Variants in NELL2 observed in about 807,000 individuals in gnomAD.
NELL2 encodes neural EGFL like 2.
In NELL2, 41 loss-of-function variants were observed where a neutral mutation model predicts 109.6. The ratio of observed to expected loss-of-function variants is 0.37; its 90% CI spans 0.29 to 0.49. The LOEUF (loss-of-function observed/expected upper bound fraction) is 0.49. Ranked by LOEUF, NELL2 falls within the 20% of genes least tolerant of loss-of-function variation. The pLI is 0.98. For synonymous variants in NELL2, 355 were observed against 344.7 expected (o/e 1.03, Z -0.33); for missense variants, 900 against 1,008.3 (o/e 0.89, Z 1.45).
At chr12:44,841,287 C>T (rs755902846) in intron 2 of NELL2, among the ~76,000 whole-genome samples, 7 of 152,180 alleles carry the variant, frequency 4.6e-5, no homozygotes, top group Admixed American at 1.3e-4. Flanking sequence ...TTCTAAATCA[C>T]ATAATCAACT....
intron 15 of NELL2, among the ~76,000 whole-genome samples, chr12:44,578,513 A>G (rs1277131050): frequency 2.0e-5 from 3 of 152,148 alleles, no homozygotes; most frequent in South Asian, 4.1e-4. Context: ...GTACCACAAT[A>G]AAATTGTATG....
rs1234634258 is a variant in NELL2 at position 44,550,283 on chromosome 12, A to C, written c.1664-17562T>G. 2.6e-5 allele frequency among the ~76,000 whole-genome samples: 4 copies of C among 152,168 alleles called. No individual in the cohort carries two copies. In the South Asian group the frequency reaches 6.2e-4, roughly 24 times the overall value. ...CAACTCAAAATAAAAAATTAAAAAT[A>C]CAATGACTACATATATATCCAAATA... On this transcript the variant is annotated intron_variant, in intron 15 of 19. Transcript: ENST00000429094.
intron 15 of NELL2, among the ~76,000 whole-genome samples, chr12:44,604,070 CT>C (rs759380541): frequency 6.6e-5 from 10 of 152,202 alleles, no homozygotes; most frequent in Non-Finnish European, 1.3e-4. Context: ...ACAGTCTTCA[CT>C]GTTAAAGACA....
chr12:44,527,025 C>A (rs1462570378), intron 16 of NELL2, among the ~76,000 whole-genome samples: 1 of 152,180 alleles, frequency 6.6e-6, no homozygotes, highest in African/African-American at 2.4e-5. Flanking sequence ...GCAATAATCT[C>A]ATCATACTTA....
chr12:44,569,760 A>AT (rs35016680), intron 15 of NELL2, among the ~76,000 whole-genome samples: 4 of 152,038 alleles, frequency 2.6e-5, no homozygotes, highest in South Asian at 4.2e-4. Flanking sequence ...TGATCTATGA[A>AT]TTTTTTTTAT....
chr12:44,890,211 G>C (rs1945518139), intron 1 of NELL2, among the ~76,000 whole-genome samples: 1 of 152,198 alleles, frequency 6.6e-6, no homozygotes, highest in Non-Finnish European at 1.5e-5. Flanking sequence ...TAAAGAAAGA[G>C]CTGCTGAGTG....
intron 1 of NELL2, among the ~76,000 whole-genome samples, chr12:44,898,250 G>A (rs960461193): frequency 9.9e-5 from 15 of 152,122 alleles, no homozygotes; most frequent in African/African-American, 2.2e-4. Flanking sequence ...CACAGCACTC[G>A]AGCTCTAGGG....
At chr12:44,898,294 A>G (rs376963149) in intron 1 of NELL2, among the ~76,000 whole-genome samples, 1 of 152,272 alleles carries the variant, frequency 6.6e-6, no homozygotes, top group South Asian at 2.1e-4. Context: ...CCCTGACCCC[A>G]ATGCCTCCTG....
chr12:44,564,164 T>C (rs1943572686), intron 15 of NELL2, among the ~76,000 whole-genome samples: 1 of 152,208 alleles, frequency 6.6e-6, no homozygotes, highest in Admixed American at 6.5e-5. Context: ...CTAAACATTT[T>C]ACCTATAGTT....
chr12:44,541,071 C>G (rs534976617), intron 15 of NELL2, among the ~76,000 whole-genome samples: 58 of 150,882 alleles, frequency 3.8e-4, no homozygotes, highest in African/African-American at 1.3e-3. Flanking sequence ...CAGTGAAAAC[C>G]CATCTCTACT....
intron 2 of NELL2, among the ~76,000 whole-genome samples, chr12:44,827,000 T>C (rs1943730916): frequency 6.6e-6 from 1 of 152,236 alleles, no homozygotes; most frequent in Non-Finnish European, 1.5e-5. Flanking sequence ...TCTCCTGTCA[T>C]CTAGATACTG....
At chr12:44,617,752 GT>G (rs1274893095) in intron 13 of NELL2, among the ~76,000 whole-genome samples, 1 of 142,704 alleles carries the variant, frequency 7.0e-6, no homozygotes, top group Non-Finnish European at 1.5e-5. Context: ...AAGGATGAAA[GT>G]AAAATTGCTT....
At chr12:44,827,947 C>G (rs568581538) in intron 2 of NELL2, among the ~76,000 whole-genome samples, 2 of 152,260 alleles carry the variant, frequency 1.3e-5, no homozygotes, top group East Asian at 3.9e-4. Flanking sequence ...TGCGGGTTCC[C>G]TTTTCTCTAC....
At chr12:44,912,803 A>C (rs1356293752) in intron 1 of NELL2, among the ~76,000 whole-genome samples, 1 of 152,220 alleles carries the variant, frequency 6.6e-6, no homozygotes, top group Admixed American at 6.5e-5. Flanking sequence ...GATTCTGACT[A>C]TACAGGATTC....
intron 9 of NELL2, among the ~76,000 whole-genome samples, chr12:44,752,890 T>C (rs1940715128): frequency 6.6e-6 from 1 of 152,170 alleles, no homozygotes; most frequent in Non-Finnish European, 1.5e-5. Flanking sequence ...CTAAGTCCTC[T>C]TGCTATCTCC....
chr12:44,888,124 T>C (rs1390657814), intron 1 of NELL2, among the ~76,000 whole-genome samples: 1 of 152,008 alleles, frequency 6.6e-6, no homozygotes, highest in Non-Finnish European at 1.5e-5. Context: ...CTTGGCACCT[T>C]TGTTGAAGAT....
At chr12:44,871,669 C>T (rs1296227709) in intron 2 of NELL2, among the ~76,000 whole-genome samples, 2 of 152,162 alleles carry the variant, frequency 1.3e-5, no homozygotes, top group Non-Finnish European at 2.9e-5. Context: ...CAAATTAGTG[C>T]CACCTCGATT....
chr12:44,824,234 G>A (rs1208499716), intron 2 of NELL2, among the ~76,000 whole-genome samples: 2 of 152,168 alleles, frequency 1.3e-5, no homozygotes, highest in Non-Finnish European at 2.9e-5. Flanking sequence ...CCACTCTATT[G>A]ATTGTTTCCA....
chr12:44,776,941 T>G (rs1253316842), intron 7 of NELL2, 101 bp downstream of exon 7: 25 of 993,252 alleles, frequency 2.5e-5, no homozygotes, highest in Non-Finnish European at 3.6e-5. Flanking sequence ...CAGTATAGTA[T>G]AAGAAGAGCC....
Sources: allele counts gnomAD v4.1 joint callset (sites outside exome capture counted in the v4.1 genomes callset), GRCh38; gene constraint gnomAD v4.1.1; transcripts MANE v1.5; gene names NCBI Gene and HGNC (gene_info 2026-07-23, HGNC 2026-07-21).